ATP10A: variants seen among roughly 807,000 people sequenced by gnomAD.
ATP10A encodes phospholipid-transporting ATPase VA.
In ATP10A, 111 loss-of-function variants were observed where a neutral mutation model predicts 147.8. That is an observed-to-expected ratio of 0.75 (90% CI 0.64 to 0.88). The LOEUF is 0.88. Ranked by LOEUF, ATP10A falls within the 40% of genes least tolerant of loss-of-function variation. The probability of loss-of-function intolerance (pLI) is 0.00; values close to 1 mark genes in which losing one functional copy is unlikely to be tolerated. For missense variants in ATP10A, 1,927 were observed against 1,959.0 expected (o/e 0.98, Z 0.31); for synonymous variants, 875 against 841.6 (o/e 1.04, Z -0.69).
chr15:25,721,556 G>C, intron 7 of ATP10A, 101 bp downstream of exon 7: 1 of 1,091,004 alleles, frequency 9.2e-7, no homozygotes. Context: ...GTGTGTGTGT[G>C]TGTGTGTGTG....
rs141000363 is a variant in ATP10A, at chr15:25,839,158, C to T, written c.449+23490G>A. 6.8e-4 allele frequency among the ~76,000 whole-genome samples: 104 copies of T among 152,270 alleles called. No homozygotes were observed. In the East Asian group the frequency reaches 0.02, roughly 29 times the overall value. On this transcript the variant is annotated intron_variant, in intron 1 of 20. Transcript: ENST00000555815. ...AGCTCCAGTTTAAACTCCAGTGTCA[C>T]AGGTGAAGGGCTGTGATATTCCCAG...
intron 15 of ATP10A, 32 bp from the exon 16 acceptor site, chr15:25,687,860 G>A: frequency 1.2e-6 from 2 of 1,613,526 alleles, no homozygotes. Flanking sequence ...TGTTACTGGT[G>A]ATGCCGACCT....
At chr15:25,832,168 C>T (rs954034020) in intron 1 of ATP10A, among the ~76,000 whole-genome samples, 2 of 152,166 alleles carry the variant, frequency 1.3e-5, no homozygotes, top group Non-Finnish European at 2.9e-5. Flanking sequence ...CCACCACAGA[C>T]GCAGGAAGAG....
chr15:25,829,428 T>TATTG (rs1214597056), intron 1 of ATP10A, among the ~76,000 whole-genome samples: 5 of 152,046 alleles, frequency 3.3e-5, no homozygotes, highest in Non-Finnish European at 1.5e-5. Flanking sequence ...AATAAATGAG[T>TATTG]ATTGAGTGTT....
At position 25,680,106 on chromosome 15, in the gene ATP10A, C is replaced by A; in HGVS notation, c.3866+15G>T. 6.2e-7 allele frequency: 1 copy of A among 1,611,964 alleles called. No homozygotes were observed. The highest frequency in any genetic ancestry group is 8.5e-7 in the Non-Finnish European group (1 of 1,179,198). ...CACTCGGGGCTCAGAGGCACTATCC[C>A]GCTCCGACACCCACCTGGGCAGCAG... On this transcript the variant is annotated intron_variant, in intron 20 of 20. Coordinates refer to ENST00000555815, the MANE Select transcript of ATP10A (RefSeq NM_024490.4).
intron 1 of ATP10A, among the ~76,000 whole-genome samples, chr15:25,831,843 CCCTCCA>C (rs1892369198): frequency 6.6e-6 from 1 of 152,164 alleles, no homozygotes; most frequent in Non-Finnish European, 1.5e-5. Context: ...CAAACAAAAA[CCCTCCA>C]GTGCCAGTAG....
Position 25,863,250 on chromosome 15 carries a change from A to C in ATP10A, c.-154T>G, listed in dbSNP as rs1298768162. ...GGTCAGCGCGCCGCCTGGCCGGCCC[A>C]GCGCGCCCAGCCCGCGCCCAGCCCC... On this transcript the variant is annotated 5_prime_UTR_variant, in exon 1 of 21. Transcript: ENST00000555815. 1.1e-5 allele frequency: 4 copies of C among 364,390 alleles called. No individual in the cohort carries two copies. The highest frequency in any genetic ancestry group is 1.6e-5 in the Non-Finnish European group (4 of 255,574). The allele number at this position is 364,390 out of a possible 1,614,324, so 22.6% of individuals were successfully genotyped here.
intron 7 of ATP10A, 124 bp downstream of exon 7, chr15:25,721,533 A>C: frequency 7.8e-7 from 1 of 1,286,336 alleles, no homozygotes; most frequent in Non-Finnish European, 1.1e-6. Flanking sequence ...AAAATCAGTA[A>C]TCCCTGAAGC....
chr15:25,716,017 CA>C (rs1901778029), intron 9 of ATP10A, among the ~76,000 whole-genome samples: 1 of 152,242 alleles, frequency 6.6e-6, no homozygotes, highest in African/African-American at 2.4e-5. Flanking sequence ...TTTCCTCTCT[CA>C]GGAGAAAACC....
chr15:25,790,158 A>T (rs1197947191), intron 1 of ATP10A, among the ~76,000 whole-genome samples: 1 of 152,204 alleles, frequency 6.6e-6, no homozygotes, highest in Non-Finnish European at 1.5e-5. Flanking sequence ...TCCTTCAGTG[A>T]GACATGCTAA....
Position 25,777,782 on chromosome 15 carries a change from C to CTTT in ATP10A, c.654+3234_654+3236dup, listed in dbSNP as rs11424373. On this transcript the variant is annotated intron_variant, in intron 2 of 20. Coordinates refer to ENST00000555815, the MANE Select transcript of ATP10A (RefSeq NM_024490.4). The stretch of plus-strand genomic sequence containing the variant: ...ATCTGGCAATTTTTTTTCTTTCTTT[C>CTTT]TTTTTTTTTTTTTGAGATGGGGTTT... 3.7e-4 allele frequency among the ~76,000 whole-genome samples: 52 copies of CTTT among 140,266 alleles called. 1 individual carries two copies. The highest frequency in any genetic ancestry group is 1.3e-3 in the African/African-American group (49 of 37,912). 92.0% of individuals were successfully genotyped at this position (140,266 alleles called of 152,430 possible).
chr15:25,792,768 C>T (rs867445681), intron 1 of ATP10A, among the ~76,000 whole-genome samples: 1 of 152,108 alleles, frequency 6.6e-6, no homozygotes, highest in Non-Finnish European at 1.5e-5. Context: ...AGTTCCATCT[C>T]CCCTGCCAGG....
chr15:25,678,284 A>G (rs1899181071), downstream of ATP10A: 1 of 152,064 alleles, frequency 6.6e-6, no homozygotes, highest in Admixed American at 6.6e-5. Context: ...CCTCGAAGAC[A>G]GCATCCAAAG....
At chr15:25,789,068 C>T (rs967538766) in intron 1 of ATP10A, among the ~76,000 whole-genome samples, 2 of 152,140 alleles carry the variant, frequency 1.3e-5, no homozygotes, top group Non-Finnish European at 2.9e-5. Flanking sequence ...AAGGGATCCT[C>T]CCTCCTCAGC....
In ATP10A at chr15:25,781,005, C is replaced by T. The variant is rs767635781; in HGVS notation, c.654+14G>A. Reference sequence around the variant, plus strand: ...TGTAATGCCTGCAAGGCCCTGGAAACGTGGGTCACTTACAAGCTCCGAGAA... The same window carrying T: ...TGTAATGCCTGCAAGGCCCTGGAAATGTGGGTCACTTACAAGCTCCGAGAA... On this transcript the variant is annotated intron_variant, in intron 2 of 20. Coordinates refer to ENST00000555815, the MANE Select transcript of ATP10A (RefSeq NM_024490.4). 6.8e-5 allele frequency: 110 copies of T among 1,612,656 alleles called. No individual in the cohort carries two copies. Among genetic ancestry groups the T allele is most frequent in the Middle Eastern group, 1.9e-4 (1 of 5,364 alleles).
intron 2 of ATP10A, among the ~76,000 whole-genome samples, chr15:25,780,050 G>A (rs1889831578): frequency 6.6e-6 from 1 of 152,166 alleles, no homozygotes; most frequent in East Asian, 1.9e-4. Flanking sequence ...GCGGAGACAG[G>A]GATGCTAGAG....
chr15:25,697,481 A>G (rs981758039), intron 13 of ATP10A, among the ~76,000 whole-genome samples: 1 of 152,246 alleles, frequency 6.6e-6, no homozygotes, highest in Non-Finnish European at 1.5e-5. Context: ...TGACACAGAT[A>G]CTGACATTAT....
chr15:25,748,238 A>G (rs1162555353), intron 2 of ATP10A, among the ~76,000 whole-genome samples: 1 of 152,234 alleles, frequency 6.6e-6, no homozygotes, highest in Non-Finnish European at 1.5e-5. Context: ...CTGGGATTAC[A>G]GGTGTGAGCG....
At chr15:25,847,609 C>CTTT (rs34212354) in intron 1 of ATP10A, among the ~76,000 whole-genome samples, 622 of 40,736 alleles carry the variant, frequency 0.015, 250 homozygotes, top group Non-Finnish European at 0.026. Flanking sequence ...CAGCTACAGC[C>CTTT]TTTTTTTTTT....
Sources: gnomAD v4.1 joint callset for allele counts (sites outside exome capture counted in the v4.1 genomes callset) on GRCh38, gnomAD v4.1.1 for gene constraint, MANE v1.5 for transcripts, NCBI Gene and HGNC (gene_info 2026-07-23, HGNC 2026-07-21) for gene names.